GPR180: variants seen among roughly 807,000 people sequenced by gnomAD.
The protein encoded by GPR180 is integral membrane protein GPR180.
In GPR180, 53 loss-of-function variants were observed where a neutral mutation model predicts 52.6. The ratio of observed to expected loss-of-function variants is 1.01; its 90% confidence interval spans 0.81 to 1.27. The LOEUF (loss-of-function observed/expected upper bound fraction) is 1.27, where lower values mean the gene tolerates loss of function less well. Among genes scored for constraint, GPR180 ranks in the 50% most tolerant of loss-of-function variants. GPR180 has a pLI of 0.00. For missense variants in GPR180, 533 were observed against 527.0 expected (o/e 1.01, Z -0.11); for synonymous variants, 200 against 193.1 (o/e 1.04, Z -0.30).
At position 94,625,968 on chromosome 13, in the gene GPR180, C is replaced by T. The variant is rs1346573756; in HGVS notation, c.1089C>T (p.Gly363=). The T allele has an allele frequency of 1.2e-6, 2 of 1,609,882 alleles. No individual in the cohort carries two copies. The highest frequency in any genetic ancestry group is 1.3e-5 in the African/African-American group (1 of 74,722). Residue 363 remains glycine, a splice_region_variant and synonymous_variant, in exon 8 of 9, where the codon GGC becomes GGT. Coordinates refer to ENST00000376958, the MANE Select transcript of GPR180 (RefSeq NM_180989.6). ...KREFYITFAK[G]CILWFLCHPV... ...TTTCACTTTTTCCTTTGTTTCAGGG[C>T]TGTATCTTGTGGTTTTTATGCCATC...
At chr13:94,619,014 C>A in intron 3 of GPR180, 136 bp from the exon 4 acceptor site, 1 of 689,644 alleles carries the variant, frequency 1.5e-6, no homozygotes, top group Non-Finnish European at 2.3e-6. Flanking sequence ...AATTTTTTTT[C>A]TCTTACAAAG....
intron 3 of GPR180, among the ~76,000 whole-genome samples, chr13:94,618,042 C>A (rs929958315): frequency 1.3e-5 from 2 of 152,190 alleles, no homozygotes; most frequent in East Asian, 1.9e-4. Context: ...TACATGAAGA[C>A]TGTACTAAAA....
At chr13:94,609,482 A>G (rs1216457738) in intron 2 of GPR180, among the ~76,000 whole-genome samples, 6 of 152,186 alleles carry the variant, frequency 3.9e-5, no homozygotes, top group Non-Finnish European at 7.4e-5. Flanking sequence ...AAGTAAATCC[A>G]CATAATTTAA....
At chr13:94,612,165 A>G (rs763301443) in intron 2 of GPR180, 25 bp from the exon 3 acceptor site, 21 of 1,580,482 alleles carry the variant, frequency 1.3e-5, no homozygotes, top group Non-Finnish European at 1.5e-5. Flanking sequence ...TTTTGTTACA[A>G]AAGGTGTTTT....
rs1052189257 is a variant in GPR180 at position 94,629,774 on chromosome 13, G to T, written c.*2603G>T. 6.6e-6 allele frequency: 1 copy of T among 152,178 alleles called. No individual in the cohort carries two copies. Among genetic ancestry groups the T allele is most frequent in the African/African-American group, 2.4e-5 (1 of 41,440 alleles). 9.4% of individuals were successfully genotyped at this position (152,178 alleles called of 1,614,324 possible). On this transcript the variant is annotated 3_prime_UTR_variant, in exon 9 of 9. Transcript: ENST00000376958. ...TAACCAGACAGTATTACTAGCAGGA[G>T]AGTTAATCTAGGCAGAAGAGCTTGC... is the stretch of plus-strand genomic sequence containing the variant.
In GPR180 at chr13:94,630,451, A is replaced by G. The variant is rs1889981012; in HGVS notation, c.*3280A>G. ...CTTGTAATTTTTTTGTAAGTTTGAA[A>G]TTATTTCAAAAAGTTTAAAAATCAT... On this transcript the variant is annotated 3_prime_UTR_variant, in exon 9 of 9. Transcript: ENST00000376958. 1 of 152,234 alleles carries G rather than the reference A, an allele frequency of 6.6e-6. No individual in the cohort carries two copies. The highest frequency in any genetic ancestry group is 2.4e-5 in the African/African-American group (1 of 41,454). 9.4% of individuals were successfully genotyped at this position (152,234 alleles called of 1,614,324 possible).
chr13:94,629,510 T>A lies in GPR180; in HGVS notation c.*2339T>A, dbSNP rs1429195959. ...TCTATTGTGATAACCAGGCTCCCAT[T>A]TAACTGAGTATAAGAGAGAATAAAT... On this transcript the variant is annotated 3_prime_UTR_variant, in exon 9 of 9. Coordinates refer to ENST00000376958, the MANE Select transcript of GPR180 (RefSeq NM_180989.6). 2.0e-5 allele frequency: 3 copies of A among 152,204 alleles called. No individual in the cohort carries two copies. The highest frequency in any genetic ancestry group is 2.9e-5 in the Non-Finnish European group (2 of 68,028). 9.4% of individuals were successfully genotyped at this position (152,204 alleles called of 1,614,324 possible).
chr13:94,626,935 A>C (rs943891312), intron 8 of GPR180, 78 bp from the exon 9 acceptor site: 1 of 1,081,992 alleles, frequency 9.2e-7, no homozygotes, highest in African/African-American at 1.6e-5. Context: ...TAAAAAGCAT[A>C]TATAGATTCA....
intron 2 of GPR180, among the ~76,000 whole-genome samples, chr13:94,609,818 G>A (rs558771061): frequency 6.6e-6 from 1 of 151,914 alleles, no homozygotes; most frequent in South Asian, 2.1e-4. Context: ...CAATGCCATG[G>A]TGGTGGTAAT....
rs1324971911 is a variant in GPR180, at chr13:94,603,656, G to A, written c.145+1584G>A. Among the ~76,000 whole-genome samples, 3 of 152,172 alleles carry A rather than the reference G, an allele frequency of 2.0e-5. No homozygotes were observed. The East Asian group carries it at 5.8e-4, about 29-fold the overall frequency. On this transcript the variant is annotated intron_variant, in intron 1 of 8. Coordinates refer to ENST00000376958, the MANE Select transcript of GPR180 (RefSeq NM_180989.6). ...AAATATGTAATCAATTTATGTAAGA[G>A]ACTTGCACATTCTTTGATATATATA...
intron 6 of GPR180, 44 bp downstream of exon 6, chr13:94,621,279 A>G (rs1383928856): frequency 2.1e-6 from 3 of 1,441,410 alleles, no homozygotes; most frequent in East Asian, 2.6e-5. Context: ...ATCCTCAGAA[A>G]TGCAAACTTG....
intron 7 of GPR180, among the ~76,000 whole-genome samples, chr13:94,625,594 T>G (rs552493298): frequency 6.6e-6 from 1 of 152,200 alleles, no homozygotes; most frequent in Non-Finnish European, 1.5e-5. Flanking sequence ...TTTACAGGAT[T>G]TCTTTGTGTA....
At chr13:94,607,448 C>G (rs1206376624) in intron 2 of GPR180, among the ~76,000 whole-genome samples, 1 of 152,220 alleles carries the variant, frequency 6.6e-6, no homozygotes, top group Admixed American at 6.5e-5. Context: ...GGCATTGCCC[C>G]ACTCACTGCA....
At chr13:94,615,134 A>G (rs1204936168) in intron 3 of GPR180, among the ~76,000 whole-genome samples, 3 of 152,226 alleles carry the variant, frequency 2.0e-5, no homozygotes, top group South Asian at 2.1e-4. Context: ...TTAAAGCTCT[A>G]AAGTTGATTC....
chr13:94,611,870 C>T (rs547270968), intron 2 of GPR180, among the ~76,000 whole-genome samples: 7 of 144,624 alleles, frequency 4.8e-5, no homozygotes, highest in African/African-American at 8.0e-5. Flanking sequence ...GCTCCCAATA[C>T]GAATGTGAAA....
Position 94,627,065 on chromosome 13 carries a change from A to G in GPR180, c.1217A>G (p.Tyr406Cys). The part of the protein sequence containing the change: ...LCQSVSMVIL[Y>C]RLFLSHSLYW... Reference sequence around the variant, plus strand: ...CAGTCTGTTTCCATGGTTATTCTCTACAGACTCTTTCTGTCTCACAGTCTA... The same window carrying G: ...CAGTCTGTTTCCATGGTTATTCTCTGCAGACTCTTTCTGTCTCACAGTCTA... The change falls in exon 9 of 9, where the codon TAC (tyrosine) becomes TGC (cysteine). Residue 406 changes from tyrosine to cysteine, a missense_variant. Coordinates refer to ENST00000376958, the MANE Select transcript of GPR180 (RefSeq NM_180989.6). The G allele has an allele frequency of 6.2e-7, 1 of 1,612,450 alleles. No individual in the cohort carries two copies. The highest frequency in any genetic ancestry group is 1.7e-4 in the Middle Eastern group (1 of 6,058).
At chr13:94,605,267 G>C in intron 1 of GPR180, 124 bp from the exon 2 acceptor site, 1 of 796,172 alleles carries the variant, frequency 1.3e-6, no homozygotes, top group Non-Finnish European at 2.1e-6. Flanking sequence ...ACCTAGTTAA[G>C]CGAGATTTAA....
chr13:94,621,265 A>T (rs1229570976), intron 6 of GPR180, 30 bp downstream of exon 6: 2 of 1,507,010 alleles, frequency 1.3e-6, no homozygotes, highest in Non-Finnish European at 1.8e-6. Flanking sequence ...GTTTCTGCTT[A>T]GTAATCCTCA....
intron 6 of GPR180, among the ~76,000 whole-genome samples, chr13:94,622,346 AATTT>A (rs1889863566): frequency 6.6e-6 from 1 of 152,148 alleles, no homozygotes; most frequent in South Asian, 2.1e-4. Context: ...TTGTAATTTT[AATTT>A]ATTGTCATAG....
Sources: gnomAD v4.1 joint callset for allele counts (sites outside exome capture counted in the v4.1 genomes callset) on GRCh38, gnomAD v4.1.1 for gene constraint, MANE v1.5 for transcripts, NCBI Gene and HGNC (gene_info 2026-07-23, HGNC 2026-07-21) for gene names.